Variants in BACH2 observed in about 807,000 individuals in gnomAD.
BACH2 encodes transcription regulator protein BACH2.
In BACH2, 5 loss-of-function variants were observed where a neutral mutation model predicts 61.8. The ratio of observed to expected loss-of-function variants is 0.08; its 90% CI spans 0.04 to 0.17. The LOEUF is 0.17. BACH2 is among the 10% of genes least tolerant of loss of function. The pLI is 1.00. For missense variants in BACH2, 824 were observed against 1,091.1 expected, an observed-to-expected ratio of 0.76 and a Z score of 3.45; for synonymous variants, 446 against 440.1, an observed-to-expected ratio of 1.01 and a Z score of -0.17.
chr6:90,187,154 C>T (rs1187981884), intron 4 of BACH2, among the ~76,000 whole-genome samples: 1 of 152,146 alleles, frequency 6.6e-6, no homozygotes, highest in Non-Finnish European at 1.5e-5. Flanking sequence ...ATTGAGAACA[C>T]GGCAATACTG....
At chr6:90,071,701 C>T (rs554628622) in intron 5 of BACH2, among the ~76,000 whole-genome samples, 3 of 152,180 alleles carry the variant, frequency 2.0e-5, no homozygotes, top group African/African-American at 4.8e-5. Context: ...CCGACGCAGT[C>T]GAAAATCTAC....
intron 3 of BACH2, among the ~76,000 whole-genome samples, chr6:90,231,177 G>A (rs1770084646): frequency 6.6e-6 from 1 of 152,124 alleles, no homozygotes; most frequent in South Asian, 2.1e-4. Context: ...TTTTATAACA[G>A]AAGACAATTA....
At chr6:89,942,803 A>G (rs1773513039) in intron 7 of BACH2, among the ~76,000 whole-genome samples, 1 of 152,218 alleles carries the variant, frequency 6.6e-6, no homozygotes, top group African/African-American at 2.4e-5. Context: ...GGCCTGTGCC[A>G]CAGTTGGCAC....
chr6:89,991,799 C>A (rs890114222), intron 6 of BACH2, among the ~76,000 whole-genome samples: 2 of 152,022 alleles, frequency 1.3e-5, no homozygotes, highest in African/African-American at 4.8e-5. Flanking sequence ...GGGCAATCCC[C>A]CCATCATTTT....
At chr6:89,964,799 A>G (rs1000475847) in intron 6 of BACH2, among the ~76,000 whole-genome samples, 8 of 152,044 alleles carry the variant, frequency 5.3e-5, no homozygotes, top group Admixed American at 3.3e-4. Flanking sequence ...TACAATATCA[A>G]TTTTGCTCCT....
chr6:90,150,494 C>T (rs1388993317), intron 4 of BACH2, among the ~76,000 whole-genome samples: 2 of 152,186 alleles, frequency 1.3e-5, no homozygotes, highest in African/African-American at 4.8e-5. Context: ...CACTTCATTA[C>T]TTCAAATGTC....
chr6:90,122,063 A>G (rs1783650896), intron 4 of BACH2, among the ~76,000 whole-genome samples: 1 of 151,956 alleles, frequency 6.6e-6, no homozygotes, highest in African/African-American at 2.4e-5. Flanking sequence ...GGGCAGCAGA[A>G]CCCTACCATG....
At chr6:90,093,727 A>G (rs1782267686) in intron 4 of BACH2, among the ~76,000 whole-genome samples, 1 of 152,162 alleles carries the variant, frequency 6.6e-6, no homozygotes, top group South Asian at 2.1e-4. Context: ...CCCTTCTCCT[A>G]GGTGCTGGGC....
Position 89,951,680 on chromosome 6 carries a change from C to T in BACH2, c.426G>A (p.Val142=), listed in dbSNP as rs773782960. The change falls in exon 7 of 9, where the codon GTG becomes GTA. Residue 142 remains valine, a synonymous_variant. Coordinates refer to ENST00000257749, the MANE Select transcript of BACH2 (RefSeq NM_021813.4). The surrounding 1 kb of genome is among the most constrained non-coding windows in gnomAD (Gnocchi z 6.4). ...GCTGGCACGCAGCATCCTTCCGGCACACAAACAGGCCATCCTCACTGTTCA... is the reference window on the plus strand; with the variant it reads ...GCTGGCACGCAGCATCCTTCCGGCATACAAACAGGCCATCCTCACTGTTCA... ...QLLNSEDGLF[V]CRKDAACQRP... The T allele has an allele frequency of 6.2e-7, 1 of 1,614,114 alleles. No individual in the cohort carries two copies. The highest frequency in any genetic ancestry group is 1.3e-5 in the African/African-American group (1 of 74,940).
At chr6:90,121,690 G>A (rs868176831) in intron 4 of BACH2, among the ~76,000 whole-genome samples, 16 of 151,930 alleles carry the variant, frequency 1.1e-4, no homozygotes, top group South Asian at 4.2e-4. Flanking sequence ...TCTTACAGGC[G>A]TCCACCACCA....
intron 1 of BACH2, among the ~76,000 whole-genome samples, chr6:90,295,966 G>A (rs991716803): frequency 6.6e-6 from 1 of 152,188 alleles, no homozygotes; most frequent in African/African-American, 2.4e-5. Flanking sequence ...TCGCGGAGCA[G>A]CCCGGGATGC....
intron 6 of BACH2, among the ~76,000 whole-genome samples, chr6:89,963,646 T>C (rs1584538225): frequency 1.3e-5 from 2 of 152,206 alleles, no homozygotes; most frequent in South Asian, 4.1e-4. Context: ...GAAAACAGTA[T>C]GAAGGTTCCT....
intron 1 of BACH2, among the ~76,000 whole-genome samples, chr6:90,286,917 A>G (rs1388399192): frequency 2.0e-5 from 3 of 152,234 alleles, no homozygotes; most frequent in African/African-American, 4.8e-5. Context: ...GTCTGGAACA[A>G]AGAAAGACAC....
intron 4 of BACH2, among the ~76,000 whole-genome samples, chr6:90,199,761 G>A (rs533074266): frequency 6.6e-6 from 1 of 152,220 alleles, no homozygotes; most frequent in East Asian, 1.9e-4. Context: ...TTTCTTTTTG[G>A]CTTCACAAAC....
Position 90,046,805 on chromosome 6 carries a change from CTT to C in BACH2, c.-12-37951_-12-37950del, listed in dbSNP as rs35251573. Among the ~76,000 whole-genome samples, 5 of 147,740 alleles carry C rather than the reference CTT, an allele frequency of 3.4e-5. No individual in the cohort carries two copies. In the East Asian group the frequency reaches 9.9e-4, roughly 29 times the overall value. ...CATCAGAGCTACTAGAATTTGGTGACTTTTTTTTTTTTAACACTGTAATTACA... is the reference window on the plus strand; with the variant it reads ...CATCAGAGCTACTAGAATTTGGTGACTTTTTTTTTTAACACTGTAATTACA... On this transcript the variant is annotated intron_variant, in intron 5 of 8. Transcript: ENST00000257749.
At chr6:90,020,418 T>C (rs1312484440) in intron 5 of BACH2, among the ~76,000 whole-genome samples, 1 of 152,110 alleles carries the variant, frequency 6.6e-6, no homozygotes, top group African/African-American at 2.4e-5. Flanking sequence ...TTAGTTATCA[T>C]GAGAGTGGGT....
intron 4 of BACH2, among the ~76,000 whole-genome samples, chr6:90,108,700 T>C (rs896674770): frequency 6.6e-6 from 1 of 152,238 alleles, no homozygotes; most frequent in Non-Finnish European, 1.5e-5. Context: ...CAGTGGAGAA[T>C]GTCTATCATT....
chr6:90,281,445 G>C (rs1771856040), intron 1 of BACH2, among the ~76,000 whole-genome samples: 1 of 152,134 alleles, frequency 6.6e-6, no homozygotes, highest in South Asian at 2.1e-4. Flanking sequence ...CACTGTCCAG[G>C]TTGGGAGATA....
chr6:90,144,056 C>G (rs544774603), intron 4 of BACH2, among the ~76,000 whole-genome samples: 1 of 152,144 alleles, frequency 6.6e-6, no homozygotes, highest in Non-Finnish European at 1.5e-5. Flanking sequence ...AATAAGTATT[C>G]GTTGGATGAA....
Sources: gnomAD v4.1 joint callset for allele counts (sites outside exome capture counted in the v4.1 genomes callset) on GRCh38, gnomAD v4.1.1 for gene constraint, Gnocchi (gnomAD v3.1) non-coding constraint, MANE v1.5 for transcripts, NCBI Gene and HGNC (gene_info 2026-07-23, HGNC 2026-07-21) for gene names.